ATF7: variants seen among roughly 807,000 people sequenced by gnomAD.
ATF7 encodes cyclic AMP-dependent transcription factor ATF-7.
A neutral mutation model predicts 50.4 loss-of-function variants in ATF7; 10 were observed. The observed-to-expected ratio is 0.20, with a 90% CI of 0.12 to 0.34. The LOEUF is 0.34. Among genes scored for constraint, ATF7 ranks in the 10% least tolerant of loss-of-function variants. The pLI, the probability that ATF7 is intolerant of heterozygous loss-of-function variation, is 1.00. For synonymous variants in ATF7, 201 were observed against 226.4 expected, an observed-to-expected ratio of 0.89 and a Z score of 1.01; for missense variants, 465 against 613.9, an observed-to-expected ratio of 0.76 and a Z score of 2.56.
At chr12:53,541,529 T>C (rs1403290155) in intron 4 of ATF7, among the ~76,000 whole-genome samples, 1 of 152,190 alleles carries the variant, frequency 6.6e-6, no homozygotes, top group Admixed American at 6.5e-5. Context: ...CTTCAAGTAT[T>C]TCCTCTCGTC....
At chr12:53,558,121 C>T (rs948134232) in intron 2 of ATF7, among the ~76,000 whole-genome samples, 2 of 152,200 alleles carry the variant, frequency 1.3e-5, no homozygotes, top group African/African-American at 4.8e-5. Context: ...ATCTTCCTCC[C>T]TAAATCCATT....
intron 2 of ATF7, among the ~76,000 whole-genome samples, chr12:53,574,203 G>C (rs1389931509): frequency 6.6e-6 from 1 of 152,054 alleles, no homozygotes; most frequent in Admixed American, 6.6e-5. Context: ...AGAACAGATG[G>C]ATAATATAAG....
At chr12:53,527,800 C>T (rs377717836) in intron 9 of ATF7, among the ~76,000 whole-genome samples, 13 of 151,840 alleles carry the variant, frequency 8.6e-5, no homozygotes, top group African/African-American at 2.9e-4. Flanking sequence ...GTACTCTACT[C>T]TAGGCCCTAC....
At chr12:53,559,823 T>C (rs938583624) in intron 2 of ATF7, among the ~76,000 whole-genome samples, 2 of 152,190 alleles carry the variant, frequency 1.3e-5, no homozygotes, top group Non-Finnish European at 2.9e-5. Context: ...TATATTCCTG[T>C]TTTCTTAAGC....
At chr12:53,604,259 A>G (rs1943514824) in intron 1 of ATF7, among the ~76,000 whole-genome samples, 1 of 152,228 alleles carries the variant, frequency 6.6e-6, no homozygotes, top group African/African-American at 2.4e-5. Context: ...CTCAGTCACC[A>G]GAATTTTTTA....
rs149320224 is a variant in ATF7 at position 53,513,637 on chromosome 12, T to C, written c.*3500A>G. On this transcript the variant is annotated 3_prime_UTR_variant, in exon 12 of 12. Transcript: ENST00000420353. ...CTTCCTGTGTATATAATGTACAATA[T>C]TAATGAAAAATTAATGATTTGGGGA... 4 of 152,262 alleles carry C rather than the reference T, an allele frequency of 2.6e-5. No homozygotes were observed. The highest frequency in any genetic ancestry group is 9.6e-5 in the African/African-American group (4 of 41,554). 9.4% of individuals were successfully genotyped at this position (152,262 alleles called of 1,614,324 possible).
At position 53,514,709 on chromosome 12, in the gene ATF7, G is replaced by A. The variant is rs375666905; in HGVS notation, c.*2428C>T. 1 of 152,086 alleles carries A rather than the reference G, an allele frequency of 6.6e-6. No homozygotes were observed. Among genetic ancestry groups the A allele is most frequent in the East Asian group, 1.9e-4 (1 of 5,194 alleles). The allele number at this position is 152,086 out of a possible 1,614,324, so 9.4% of individuals were successfully genotyped here. ...GTTAGGACTAGATAATTAGTCATGG[G>A]GGCTAAGAAATAAAAAAGACCCGCT... On this transcript the variant is annotated 3_prime_UTR_variant, in exon 12 of 12. Coordinates refer to ENST00000420353, the MANE Select transcript of ATF7 (RefSeq NM_006856.3).
intron 2 of ATF7, among the ~76,000 whole-genome samples, chr12:53,582,127 T>C (rs1012198348): frequency 2.1e-4 from 31 of 148,394 alleles, no homozygotes; most frequent in Admixed American, 2.0e-4. Context: ...AAAAAAAGAG[T>C]GGCCAACATG....
At chr12:53,523,177 G>T in intron 11 of ATF7, 99 bp downstream of exon 11, 2 of 929,020 alleles carry the variant, frequency 2.2e-6, no homozygotes, top group Non-Finnish European at 3.4e-6. Flanking sequence ...GGGGTCCCCA[G>T]AACATTCAGA....
intron 1 of ATF7, among the ~76,000 whole-genome samples, chr12:53,609,116 C>A (rs1160091677): frequency 6.6e-6 from 1 of 151,846 alleles, no homozygotes; most frequent in Non-Finnish European, 1.5e-5. Context: ...ACCAGTCTAG[C>A]CAACAAAGCA....
At chr12:53,552,478 C>G in intron 3 of ATF7, 63 bp downstream of exon 3, 1 of 1,266,964 alleles carries the variant, frequency 7.9e-7, no homozygotes, top group Non-Finnish European at 1.1e-6. Flanking sequence ...TACATCTGGT[C>G]TCTGGTATTA....
intron 9 of ATF7, 34 bp downstream of exon 9, chr12:53,531,710 T>C (rs1218728655): frequency 1.3e-6 from 2 of 1,582,392 alleles, no homozygotes; most frequent in Non-Finnish European, 1.7e-6. Flanking sequence ...AGATACGTCA[T>C]AAAGATATGA....
chr12:53,598,325 C>CATG (rs1943249969), intron 2 of ATF7, among the ~76,000 whole-genome samples: 1 of 152,194 alleles, frequency 6.6e-6, no homozygotes. Flanking sequence ...ATGGGTGAAT[C>CATG]ATGCTACCTT....
chr12:53,599,158 C>G (rs1943282294), intron 2 of ATF7, among the ~76,000 whole-genome samples: 1 of 152,100 alleles, frequency 6.6e-6, no homozygotes. Flanking sequence ...ATCAGCCTCC[C>G]AAGTAGCTGG....
intron 2 of ATF7, chr12:53,575,565 T>C (rs1289694679): frequency 7.6e-6 from 1 of 130,722 alleles, no homozygotes; most frequent in African/African-American, 3.2e-5. Context: ...AACAGCGAGA[T>C]GCAGTCTCCA....
At chr12:53,605,986 C>T (rs1943585559) in intron 1 of ATF7, among the ~76,000 whole-genome samples, 1 of 152,154 alleles carries the variant, frequency 6.6e-6, no homozygotes, top group Non-Finnish European at 1.5e-5. Flanking sequence ...TAAGGCTACA[C>T]ATATTTTAAA....
At chr12:53,564,765 T>A (rs1201453527) in intron 2 of ATF7, among the ~76,000 whole-genome samples, 1 of 152,234 alleles carries the variant, frequency 6.6e-6, no homozygotes, top group Non-Finnish European at 1.5e-5. Flanking sequence ...AATGCATTAT[T>A]ATTCTACATC....
intron 2 of ATF7, among the ~76,000 whole-genome samples, chr12:53,572,124 T>C (rs1284567642): frequency 6.6e-6 from 1 of 152,054 alleles, no homozygotes; most frequent in African/African-American, 2.4e-5. Context: ...TCTTACTCGA[T>C]TCATAAACCA....
At chr12:53,522,309 A>G (rs1938171413) in intron 11 of ATF7, among the ~76,000 whole-genome samples, 1 of 152,218 alleles carries the variant, frequency 6.6e-6, no homozygotes, top group African/African-American at 2.4e-5. Context: ...CTGTAATCCC[A>G]GCACTTTGGG....
Sources: allele counts gnomAD v4.1 joint callset (sites outside exome capture counted in the v4.1 genomes callset), GRCh38; gene constraint gnomAD v4.1.1; transcripts MANE v1.5; gene names NCBI Gene and HGNC (gene_info 2026-07-23, HGNC 2026-07-21).